SCN10A: variants seen among roughly 807,000 people sequenced by gnomAD.
SCN10A encodes sodium channel protein type 10 subunit alpha.
A neutral mutation model predicts 170.7 loss-of-function variants in SCN10A; 162 were observed. The observed-to-expected ratio is 0.95, with a 90% CI of 0.84 to 1.08. SCN10A has a LOEUF of 1.08. SCN10A is among the 50% of genes least tolerant of loss of function. The probability of loss-of-function intolerance (pLI) is 0.00; values close to 1 mark genes in which losing one functional copy is unlikely to be tolerated. For synonymous variants in SCN10A, 985 were observed against 904.6 expected (o/e 1.09, Z -1.59); for missense variants, 2,527 against 2,436.9 (o/e 1.04, Z -0.78).
chr3:38,759,043 G>A (rs2063839565), intron 8 of SCN10A, among the ~76,000 whole-genome samples: 1 of 152,172 alleles, frequency 6.6e-6, no homozygotes, highest in Non-Finnish European at 1.5e-5. Flanking sequence ...ACAGTCCAAG[G>A]AACCTGATGT....
chr3:38,738,131 G>A (rs1281646546), intron 15 of SCN10A, among the ~76,000 whole-genome samples: 1 of 151,848 alleles, frequency 6.6e-6, no homozygotes, highest in African/African-American at 2.4e-5. Flanking sequence ...TGTAGAGACG[G>A]GGTTTCACCA....
Position 38,697,409 on chromosome 3 carries a change from A to T in SCN10A, c.5811T>A (p.Ser1937=), listed in dbSNP as rs1270829701. 6.2e-7 allele frequency: 1 copy of T among 1,614,126 alleles called. No individual in the cohort carries two copies. Among genetic ancestry groups the T allele is most frequent in the East Asian group, 2.2e-5 (1 of 44,900 alleles). ...GLSDRVNMRT[S]SSIQNEDEAT... ...CTTCATCTTCATTTTGTATTGAGCTAGATGTCCTCATGTTGACTCTATCAC... is the reference window on the plus strand; with the variant it reads ...CTTCATCTTCATTTTGTATTGAGCTTGATGTCCTCATGTTGACTCTATCAC... The change falls in exon 28 of 28, where the codon TCT becomes TCA. Residue 1937 remains serine, a synonymous_variant. Coordinates refer to ENST00000449082, the MANE Select transcript of SCN10A (RefSeq NM_006514.4).
chr3:38,704,606 T>C (rs548776154), intron 26 of SCN10A, among the ~76,000 whole-genome samples: 1 of 152,086 alleles, frequency 6.6e-6, no homozygotes, highest in Non-Finnish European at 1.5e-5. Context: ...TAAAGTGGAG[T>C]ATGTGAGAGC....
At chr3:38,806,611 G>A (rs751917765) in intron 1 of SCN10A, among the ~76,000 whole-genome samples, 12 of 151,966 alleles carry the variant, frequency 7.9e-5, no homozygotes, top group African/African-American at 2.7e-4. Flanking sequence ...TGATTACCTC[G>A]GCCCTACTTA....
rs778052433 is a variant in SCN10A, at chr3:38,739,665, A to T, written c.2130T>A (p.Ala710=). The T allele has an allele frequency of 7.2e-5, 117 of 1,614,040 alleles. No homozygotes were observed. Among genetic ancestry groups the T allele is most frequent in the Non-Finnish European group, 9.4e-5 (111 of 1,179,988 alleles). ...GNIVFTIFFT[A]EMVFKIIAFD... ...AGGCAATGATTTTGAAGACCATTTC[A>T]GCAGTAAAAAATATGGTAAAGACCT... The change falls in exon 15 of 28, where the codon GCT becomes GCA. Residue 710 remains alanine (A), a synonymous_variant. Coordinates refer to ENST00000449082, the MANE Select transcript of SCN10A (RefSeq NM_006514.4).
chr3:38,746,100 T>TATATATCTCTAG, intron 13 of SCN10A, among the ~76,000 whole-genome samples: 1 of 99,834 alleles, frequency 1.0e-5, no homozygotes, highest in East Asian at 3.5e-4. Flanking sequence ...TATATATATA[T>TATATATCTCTAG]GCCATCTTTG....
rs200382908 is a variant in SCN10A at position 38,800,325 on chromosome 3, C to T, written c.-32-6283G>A. Reference sequence around the variant, plus strand: ...GGAGAATTGGACTAAGATGCAGATTCCTGGACTCCACCTGAAAAGATTCTC... The same window carrying T: ...GGAGAATTGGACTAAGATGCAGATTTCTGGACTCCACCTGAAAAGATTCTC... On this transcript the variant is annotated intron_variant, in intron 1 of 27. Transcript: ENST00000449082. Among the ~76,000 whole-genome samples the T allele has an allele frequency of 1.3e-3, 191 of 152,278 alleles. 2 individuals are homozygous for T. Among genetic ancestry groups the T allele is most frequent in the Non-Finnish European group, 2.0e-3 (133 of 68,016 alleles).
intron 4 of SCN10A, among the ~76,000 whole-genome samples, chr3:38,785,484 A>T (rs932074872): frequency 2.0e-5 from 3 of 152,222 alleles, no homozygotes; most frequent in African/African-American, 7.2e-5. Flanking sequence ...AATTAACTCA[A>T]GATAGATTAA....
chr3:38,796,061 G>A (rs2064340247), intron 1 of SCN10A, among the ~76,000 whole-genome samples: 1 of 152,058 alleles, frequency 6.6e-6, no homozygotes, highest in African/African-American at 2.4e-5. Flanking sequence ...GCTCTCAGAA[G>A]TCCATGGGGC....
chr3:38,704,647 T>A (rs1178985363), intron 26 of SCN10A, among the ~76,000 whole-genome samples: 1 of 152,192 alleles, frequency 6.6e-6, no homozygotes, highest in Non-Finnish European at 1.5e-5. Flanking sequence ...GCAGGGAATG[T>A]TAAAGAATAA....
chr3:38,702,805 G>A (rs1417626969), intron 26 of SCN10A, among the ~76,000 whole-genome samples: 1 of 152,202 alleles, frequency 6.6e-6, no homozygotes, highest in Non-Finnish European at 1.5e-5. Flanking sequence ...ATCTTGGAAG[G>A]AGGCAGAGTG....
rs1352039205 is a variant in SCN10A at position 38,709,711 on chromosome 3, G to T, written c.4144-96C>A. 1.1e-5 allele frequency: 12 copies of T among 1,130,778 alleles called. No homozygotes were observed. The South Asian group carries it at 2.4e-4, about 22-fold the overall frequency. 70.0% of individuals were successfully genotyped at this position (1,130,778 alleles called of 1,614,324 possible). On this transcript the variant is annotated intron_variant, in intron 24 of 27. Coordinates refer to ENST00000449082, the MANE Select transcript of SCN10A (RefSeq NM_006514.4). The stretch of plus-strand genomic sequence containing the variant: ...CTAAGACATGGACCTGGGTGCAGGT[G>T]ATTTATCTGGGAGGTGATCCAAGGA...
chr3:38,792,742 A>G (rs1199781691), intron 2 of SCN10A, among the ~76,000 whole-genome samples: 2 of 112,410 alleles, frequency 1.8e-5, no homozygotes, highest in Non-Finnish European at 3.7e-5. Context: ...ACTCCCAAAC[A>G]TGCATTCACC....
Position 38,701,802 on chromosome 3 carries a change from G to A in SCN10A, c.4657+37C>T, listed in dbSNP as rs192162577. On this transcript the variant is annotated intron_variant, in intron 27 of 27. Coordinates refer to ENST00000449082, the MANE Select transcript of SCN10A (RefSeq NM_006514.4). The stretch of plus-strand genomic sequence containing the variant: ...AGAGCATCCCAAAGACCCCCAAACA[G>A]AGGTGGGGCTTCCCCACCACGTGGC... 1.0e-4 allele frequency: 161 copies of A among 1,564,506 alleles called. No individual in the cohort carries two copies. The African/African-American group carries it at 2.1e-3, about 21-fold the overall frequency.
In SCN10A at chr3:38,789,039, G is replaced by T; in HGVS notation, c.390-3C>A. 1 of 1,598,928 alleles carries T rather than the reference G, an allele frequency of 6.3e-7. No homozygotes were observed. The highest frequency in any genetic ancestry group is 8.6e-7 in the Non-Finnish European group (1 of 1,166,628). On this transcript the variant is annotated splice_region_variant and splice_polypyrimidine_tract_variant and intron_variant, in intron 3 of 27. Transcript: ENST00000449082. ...CCGTAATAAATAAACTGAACCACCT[G>T]AAAGGCCTGTGTTAAGGAAAAGCTG...
intron 18 of SCN10A, 55 bp from the exon 19 acceptor site, chr3:38,723,608 T>C: frequency 6.5e-7 from 1 of 1,544,458 alleles, no homozygotes; most frequent in South Asian, 1.2e-5. Flanking sequence ...GCCCGGGGAA[T>C]TGCACACGGT....
chr3:38,787,341 A>G (rs2064219548), intron 4 of SCN10A, among the ~76,000 whole-genome samples: 1 of 152,132 alleles, frequency 6.6e-6, no homozygotes, highest in Non-Finnish European at 1.5e-5. Context: ...TCTATACACA[A>G]TTGATTTATG....
Position 38,746,065 on chromosome 3 carries a change from A to ATG in SCN10A, c.1868-3537_1868-3536insCA, listed in dbSNP as rs1389860529. ...CATATATATATGTGTGTGTATGTGT[A>ATG]TATATATATATATATATATATATAT... is the stretch of plus-strand genomic sequence containing the variant. On this transcript the variant is annotated intron_variant, in intron 13 of 27. Transcript: ENST00000449082. Among the ~76,000 whole-genome samples the ATG allele has an allele frequency of 8.2e-3, 347 of 42,258 alleles. 13 individuals are homozygous for ATG. The highest frequency in any genetic ancestry group is 0.04 in the African/African-American group (334 of 8,328). 27.7% of individuals were successfully genotyped at this position (42,258 alleles called of 152,430 possible).
intron 1 of SCN10A, among the ~76,000 whole-genome samples, chr3:38,806,906 AG>A (rs1357369678): frequency 6.6e-6 from 1 of 152,176 alleles, no homozygotes; most frequent in African/African-American, 2.4e-5. Context: ...CCCAAATAAA[AG>A]TTTTCTCATT....
Sources: allele counts gnomAD v4.1 joint callset (sites outside exome capture counted in the v4.1 genomes callset), GRCh38; gene constraint gnomAD v4.1.1; transcripts MANE v1.5; gene names NCBI Gene and HGNC (gene_info 2026-07-23, HGNC 2026-07-21).